The following MGST1 variants were observed in gnomAD, a reference collection of about 807,000 sequenced individuals.
The protein encoded by MGST1 is microsomal glutathione S-transferase 1, also known as glutathione S-transferase 12.
Under a neutral mutation model 8.9 loss-of-function variants are expected in MGST1, and 5 were observed. The ratio of observed to expected loss-of-function variants is 0.56; its 90% CI spans 0.29 to 1.19. The LOEUF (loss-of-function observed/expected upper bound fraction) is 1.19. Ranked by LOEUF, MGST1 falls within the 50% of genes most tolerant of loss-of-function variation. The pLI, the probability that MGST1 is intolerant of heterozygous loss-of-function variation, is 0.08. For missense variants in MGST1, 182 were observed against 187.4 expected, an observed-to-expected ratio of 0.97 and a Z score of 0.17; for synonymous variants, 54 against 67.8, an observed-to-expected ratio of 0.80 and a Z score of 1.00.
At chr12:16,553,161 G>A (rs1419739878) in intron 4 of MGST1, among the ~76,000 whole-genome samples, 1 of 152,042 alleles carries the variant, frequency 6.6e-6, no homozygotes, top group African/African-American at 2.4e-5. Context: ...ATCCAACCTA[G>A]AAAGTAAGCA....
At chr12:16,464,995 A>G (rs570330497) in intron 4 of MGST1, among the ~76,000 whole-genome samples, 4 of 152,212 alleles carry the variant, frequency 2.6e-5, no homozygotes, top group African/African-American at 9.6e-5. Flanking sequence ...TATACTTGGA[A>G]TAACAAACTA....
intron 4 of MGST1, among the ~76,000 whole-genome samples, chr12:16,533,570 A>T (rs933593235): frequency 6.6e-6 from 1 of 152,144 alleles, no homozygotes; most frequent in African/African-American, 2.4e-5. Context: ...TAAATTACTT[A>T]TCTGGAGATT....
intron 4 of MGST1, chr12:16,573,498 T>C (rs1432563173): frequency 6.6e-6 from 1 of 152,178 alleles, no homozygotes; most frequent in Non-Finnish European, 1.5e-5. Flanking sequence ...TAGTTATCTC[T>C]TTTTACTCTC....
At chr12:16,522,526 GGGAA>G (rs762148137) in intron 4 of MGST1, among the ~76,000 whole-genome samples, 98 of 151,902 alleles carry the variant, frequency 6.5e-4, no homozygotes, top group Non-Finnish European at 1.2e-3. Context: ...TTCACCTCTA[GGGAA>G]ATCATTACTT....
intron 3 of MGST1, among the ~76,000 whole-genome samples, chr12:16,372,930 G>A (rs1397810766): frequency 7.2e-6 from 1 of 139,412 alleles, no homozygotes; most frequent in East Asian, 2.1e-4. Context: ...ATTTTATATT[G>A]TATATTTTAT....
At chr12:16,551,187 G>C in intron 4 of MGST1, 1 of 1,277,924 alleles carries the variant, frequency 7.8e-7, no homozygotes, top group South Asian at 1.2e-5. Flanking sequence ...AAAGAATGTA[G>C]TGCTTTGTAT....
intron 4 of MGST1, among the ~76,000 whole-genome samples, chr12:16,540,158 C>A (rs540219822): frequency 6.6e-6 from 1 of 152,332 alleles, no homozygotes; most frequent in African/African-American, 2.4e-5. Flanking sequence ...AGCTGTTTTG[C>A]CCTTGCTTTC....
At chr12:16,505,109 C>T (rs1941528425) in intron 4 of MGST1, among the ~76,000 whole-genome samples, 1 of 152,086 alleles carries the variant, frequency 6.6e-6, no homozygotes. Context: ...TTTATATTCT[C>T]ACTATGGACA....
chr12:16,402,135 T>C (rs1940660905), intron 1 of MGST1: 2 of 1,519,404 alleles, frequency 1.3e-6, no homozygotes, highest in Admixed American at 1.7e-5. Flanking sequence ...TCCATTAGCA[T>C]TCTCATTGCC....
intron 4 of MGST1, among the ~76,000 whole-genome samples, chr12:16,468,283 T>C (rs1941267478): frequency 6.6e-6 from 1 of 152,246 alleles, no homozygotes; most frequent in Non-Finnish European, 1.5e-5. Context: ...TGTTTGTCAA[T>C]TACATATCTG....
chr12:16,579,490 G>A (rs1218134069), intron 4 of MGST1, among the ~76,000 whole-genome samples: 1 of 152,164 alleles, frequency 6.6e-6, no homozygotes, highest in Non-Finnish European at 1.5e-5. Flanking sequence ...AAAAGCCAAC[G>A]CAGATGTATA....
At chr12:16,394,456 C>T (rs1940582527) in intron 1 of MGST1, among the ~76,000 whole-genome samples, 1 of 150,646 alleles carries the variant, frequency 6.6e-6, no homozygotes, top group African/African-American at 2.4e-5. Flanking sequence ...TTCTTTCTCA[C>T]TCTTCCTCCC....
At chr12:16,373,020 A>G (rs1940322773) in intron 3 of MGST1, among the ~76,000 whole-genome samples, 1 of 130,596 alleles carries the variant, frequency 7.7e-6, no homozygotes. Context: ...ATCATATACT[A>G]TACATACTAT....
intron 1 of MGST1, chr12:16,353,536 T>C (rs1201103875): frequency 6.6e-6 from 1 of 152,150 alleles, no homozygotes; most frequent in African/African-American, 2.4e-5. Context: ...TGCTGCTAGG[T>C]ACATAGCTTG....
chr12:16,513,585 T>C lies in MGST1; in HGVS notation n.483-75943T>C. 2 of 493,632 alleles carry C rather than the reference T, an allele frequency of 4.1e-6. No homozygotes were observed. The highest frequency in any genetic ancestry group is 2.3e-5 in the Admixed American group (1 of 43,454). 30.6% of individuals were successfully genotyped at this position (493,632 alleles called of 1,614,324 possible). ...GCAAAAAGATGAATCTGGGAGTTAG[T>C]GCCTACAGGGACCACAACGGAAAGC... On this transcript the variant is annotated intron_variant and non_coding_transcript_variant, in intron 4 of 4. Transcript: ENST00000538857. This position sits in a 1 kb window ranked among gnomAD's most constrained non-coding sequence, Gnocchi z 4.2.
intron 1 of MGST1, among the ~76,000 whole-genome samples, chr12:16,406,930 A>C (rs1024656401): frequency 2.6e-5 from 4 of 152,196 alleles, no homozygotes; most frequent in African/African-American, 9.6e-5. Context: ...ACTTAAAAGT[A>C]AAACTGAAAA....
At chr12:16,528,321 T>G (rs918815630) in intron 4 of MGST1, among the ~76,000 whole-genome samples, 2 of 151,870 alleles carry the variant, frequency 1.3e-5, no homozygotes, top group African/African-American at 4.8e-5. Flanking sequence ...CTGGGGAGGA[T>G]TCAGCGAGGG....
rs544223488 is a variant in MGST1 at position 16,402,469 on chromosome 12, C to T, written n.778+18865C>T. On this transcript the variant is annotated intron_variant and non_coding_transcript_variant, in intron 1 of 1. Transcript: ENST00000359720. Reference sequence around the variant, plus strand: ...GGGTTCTGAGAATCACGCGATGTCCCGGCTCTGCCACCTGCTCTCGGCCCA... The same window carrying T: ...GGGTTCTGAGAATCACGCGATGTCCTGGCTCTGCCACCTGCTCTCGGCCCA... The T allele has an allele frequency of 1.3e-3, 2,069 of 1,559,924 alleles. 1 individual carries two copies. Among genetic ancestry groups the T allele is most frequent in the Non-Finnish European group, 1.7e-3 (1,905 of 1,134,636 alleles).
chr12:16,480,037 A>G lies in MGST1; in HGVS notation n.482+96433A>G, dbSNP rs564723187. On this transcript the variant is annotated intron_variant and non_coding_transcript_variant, in intron 4 of 4. Transcript: ENST00000538857. ...GAAGGAAACATAAGAATAAATCTTT[A>G]TAACATTGGGTTAGGCAGTGATCCT... is the stretch of plus-strand genomic sequence containing the variant. Among the ~76,000 whole-genome samples, 10 of 152,348 alleles carry G rather than the reference A, an allele frequency of 6.6e-5. No homozygotes were observed. In the South Asian group the frequency reaches 8.3e-4, roughly 13 times the overall value.
Sources: gnomAD v4.1 joint callset for allele counts (sites outside exome capture counted in the v4.1 genomes callset) on GRCh38, gnomAD v4.1.1 for gene constraint, Gnocchi (gnomAD v3.1) non-coding constraint, MANE v1.5 for transcripts, NCBI Gene and HGNC (gene_info 2026-07-23, HGNC 2026-07-21) for gene names.